Variants in SCNN1A observed in about 807,000 individuals in gnomAD.
The protein encoded by SCNN1A is sodium channel epithelial 1 subunit alpha, also known as epithelial sodium channel subunit alpha.
Under a neutral mutation model 68.6 loss-of-function variants are expected in SCNN1A, and 65 were observed. The observed-to-expected ratio is 0.95, with a 90% CI of 0.78 to 1.16. The LOEUF is 1.16. Among genes scored for constraint, SCNN1A ranks in the 50% most tolerant of loss-of-function variants. The probability of loss-of-function intolerance (pLI) is 0.00; values close to 1 mark genes in which losing one functional copy is unlikely to be tolerated. For missense variants in SCNN1A, 880 were observed against 865.9 expected, an observed-to-expected ratio of 1.02 and a Z score of -0.20; for synonymous variants, 357 against 353.3, an observed-to-expected ratio of 1.01 and a Z score of -0.12.
chr12:6,375,878 G>A (rs1289380679), upstream of SCNN1A: 2 of 1,286,830 alleles, frequency 1.6e-6, no homozygotes, highest in Non-Finnish European at 2.0e-6. Flanking sequence ...CGGGAGGACA[G>A]GAGGGCAGAA....
Position 6,348,105 on chromosome 12 carries a change from C to T in SCNN1A, c.1778G>A (p.Trp593Ter). The T allele has an allele frequency of 6.2e-7, 1 of 1,614,156 alleles. No homozygotes were observed. Among genetic ancestry groups the T allele is most frequent in the Non-Finnish European group, 8.5e-7 (1 of 1,180,030 alleles). ...ACCCCTGCCCCCTCGGCCTGGAGAC[C>T]AGTATCGGCTTCGGAACCTTCGGAG... Reference protein sequence around the residue: ...MLLRRFRSRYWSPGRGGRGAQ... With the variant: ...MLLRRFRSRY The change falls in exon 13 of 13, where the codon TGG becomes TAG. Residue 593 changes from tryptophan to a stop codon, truncating the protein, a stop_gained. Coordinates refer to ENST00000228916, the MANE Select transcript of SCNN1A (RefSeq NM_001038.6). LOFTEE classifies it low-confidence loss of function (END_TRUNC).
rs998349043 is a variant in SCNN1A at position 6,375,297 on chromosome 12, C to G, written c.-55+208G>C. 2.8e-5 allele frequency: 40 copies of G among 1,438,692 alleles called. 1 individual carries two copies. In the South Asian group the frequency reaches 4.2e-4, roughly 15 times the overall value. The allele number at this position is 1,438,692 out of a possible 1,614,324, so 89.1% of individuals were successfully genotyped here. A position where few individuals can be genotyped will look rare whatever the true frequency, so the allele number is the denominator to read the frequency against. On this transcript the variant is annotated intron_variant, in intron 1 of 12. Transcript: ENST00000228916. The stretch of plus-strand genomic sequence containing the variant: ...CTAATCCTGCCTCTCTTCCTCTCCC[C>G]CCCTTGCCTTGCCCCCTCTCACTCT...
intron 2 of SCNN1A, among the ~76,000 whole-genome samples, chr12:6,373,344 AT>A (rs1948828129): frequency 6.6e-6 from 1 of 152,026 alleles, no homozygotes; most frequent in Non-Finnish European, 1.5e-5. Flanking sequence ...CTAACTCACC[AT>A]TTTTATCATA....
rs776550679 is a variant in SCNN1A at position 6,363,430 on chromosome 12, C to T, written c.684+13G>A. 2.3e-5 allele frequency: 35 copies of T among 1,539,238 alleles called. 1 individual carries two copies. Among genetic ancestry groups the T allele is most frequent in the Non-Finnish European group, 2.9e-5 (33 of 1,143,422 alleles). ...GAGGGGCGGGGCGGGCCCCTCGGCG[C>T]TGCGGGCCTCACCAGCTGGAAGCCG... is the stretch of plus-strand genomic sequence containing the variant. On this transcript the variant is annotated intron_variant, in intron 3 of 12. Coordinates refer to ENST00000228916, the MANE Select transcript of SCNN1A (RefSeq NM_001038.6).
rs1269578372 is a variant in SCNN1A, at chr12:6,372,564, C to A, written c.416+1804G>T. Reference sequence around the variant, plus strand: ...TTTTCCTGGACTGTCTAGGGCCCCGCATCCAGCAGAACCTAAGAACTGTGC... The same window carrying A: ...TTTTCCTGGACTGTCTAGGGCCCCGAATCCAGCAGAACCTAAGAACTGTGC... On this transcript the variant is annotated intron_variant, in intron 2 of 12. Coordinates refer to ENST00000228916, the MANE Select transcript of SCNN1A (RefSeq NM_001038.6). This position sits in a 1 kb window ranked among gnomAD's most constrained non-coding sequence, Gnocchi z 5.8. 6.6e-6 allele frequency among the ~76,000 whole-genome samples: 1 copy of A among 152,226 alleles called. No individual in the cohort carries two copies. Among genetic ancestry groups the A allele is most frequent in the African/African-American group, 2.4e-5 (1 of 41,456 alleles).
chr12:6,374,795 T>C lies in SCNN1A; in HGVS notation c.-12A>G. On this transcript the variant is annotated 5_prime_UTR_variant, in exon 2 of 13. Transcript: ENST00000228916. The surrounding 1 kb of genome is among the most constrained non-coding windows in gnomAD (Gnocchi z 6.2). ...TTGTTCCCCTCCATGAGACCTGGTA[T>C]GGGCTGCAGAGGTCTAGGGTCCTGC... 6.2e-7 allele frequency: 1 copy of C among 1,613,818 alleles called. No individual in the cohort carries two copies.
In SCNN1A at chr12:6,348,998, A is replaced by G. The variant is rs775589042; in HGVS notation, c.1505T>C (p.Val502Ala). The G allele has an allele frequency of 9.3e-6, 15 of 1,613,750 alleles. No individual in the cohort carries two copies. Among genetic ancestry groups the G allele is most frequent in the Admixed American group, 3.3e-5 (2 of 59,972 alleles). ...GTTCTGTCGCGATAGCATCTGGAAGACCCATTCCTAGGAAAGAATGGGGGT... is the reference window on the plus strand; with the variant it reads ...GTTCTGTCGCGATAGCATCTGGAAGGCCCATTCCTAGGAAAGAATGGGGGT... ...RWPSVTSQEWVFQMLSRQNNY... is the reference protein window; with the variant it reads ...RWPSVTSQEWAFQMLSRQNNY... Residue 502 changes from valine (V) to alanine (A), a missense_variant, in exon 11 of 13, where the codon GTC (valine) becomes GCC (alanine). Around this residue, in one of 3 missense-constraint regions of SCNN1A, gnomAD observed 758 missense variants for 721.8 expected, o/e 1.05. Transcript: ENST00000228916.
intron 4 of SCNN1A, among the ~76,000 whole-genome samples, chr12:6,360,200 G>A (rs73048428): frequency 0.046 from 7,051 of 152,332 alleles, 218 homozygotes; most frequent in Non-Finnish European, 0.069. Flanking sequence ...AGGATTTGGA[G>A]GCAAAAGAAC....
intron 8 of SCNN1A, among the ~76,000 whole-genome samples, chr12:6,352,510 A>G (rs574444899): frequency 6.6e-6 from 1 of 152,202 alleles, no homozygotes; most frequent in Non-Finnish European, 1.5e-5. Context: ...AGCAATCAAT[A>G]TTGTTATTTT....
Position 6,358,234 on chromosome 12 carries a change from T to A in SCNN1A, c.876-2354A>T, listed in dbSNP as rs187604284. ...AGTAAGAGCTGTATTAGCTCACTAG[T>A]ACGATTACAGGGATTCATTAAGATG... is the stretch of plus-strand genomic sequence containing the variant. On this transcript the variant is annotated intron_variant, in intron 4 of 12. Coordinates refer to ENST00000228916, the MANE Select transcript of SCNN1A (RefSeq NM_001038.6). Among the ~76,000 whole-genome samples the A allele has an allele frequency of 2.6e-4, 39 of 152,312 alleles. No individual in the cohort carries two copies. In the East Asian group the frequency reaches 6.2e-3, roughly 24 times the overall value.
chr12:6,370,096 A>G (rs1592083381), intron 2 of SCNN1A, among the ~76,000 whole-genome samples: 1 of 152,010 alleles, frequency 6.6e-6, no homozygotes, highest in African/African-American at 2.4e-5. Context: ...CACTGCCCTC[A>G]CTCCCATCTG....
intron 4 of SCNN1A, among the ~76,000 whole-genome samples, chr12:6,359,576 T>C (rs773547216): frequency 5.9e-5 from 9 of 152,068 alleles, no homozygotes; most frequent in Non-Finnish European, 8.8e-5. Context: ...GTTCACCCGA[T>C]AGCTGGTTGT....
intron 8 of SCNN1A, chr12:6,349,966 T>G (rs1170090710): frequency 5.2e-6 from 1 of 191,322 alleles, no homozygotes. Flanking sequence ...GACCTCGTGA[T>G]CTGCCCGCCT....
chr12:6,362,071 G>C lies in SCNN1A; in HGVS notation c.855C>G (p.Asn285Lys). The change falls in exon 4 of 13, where the codon AAC becomes AAG. Residue 285 changes from asparagine to lysine, a missense_variant. Around this residue, in one of 3 missense-constraint regions of SCNN1A, gnomAD observed 758 missense variants for 721.8 expected, o/e 1.05. Coordinates refer to ENST00000228916, the MANE Select transcript of SCNN1A (RefSeq NM_001038.6). ...LGNFIFACRF[N>K]QVSCNQANYS... ...CTCACGCCTGGTTGCAGGAGACCTG[G>C]TTGAAGCGGCAGGCGAAGATGAAGT... 1 of 1,614,270 alleles carries C rather than the reference G, an allele frequency of 6.2e-7. No homozygotes were observed. Among genetic ancestry groups the C allele is most frequent in the African/African-American group, 1.3e-5 (1 of 75,084 alleles).
In SCNN1A at chr12:6,375,533, G is replaced by A. The variant is rs749477197; in HGVS notation, c.-83C>T. On this transcript the variant is annotated 5_prime_UTR_variant, in exon 1 of 13. Coordinates refer to ENST00000228916, the MANE Select transcript of SCNN1A (RefSeq NM_001038.6). ...ACAGGTGCAGCGGCCTGGCTGGGGA[G>A]CCCGCCCGCTGGCCGGCCAGGGATG... is the stretch of plus-strand genomic sequence containing the variant. 1.3e-6 allele frequency: 2 copies of A among 1,534,248 alleles called. No individual in the cohort carries two copies. The highest frequency in any genetic ancestry group is 2.7e-5 in the African/African-American group (2 of 72,936).
At chr12:6,375,601 AG>A, upstream of SCNN1A, 3 of 1,067,798 alleles carry the variant, frequency 2.8e-6, no homozygotes, top group Non-Finnish European at 4.0e-6. Flanking sequence ...AAAGGTGAGC[AG>A]GGCGGGGGGA....
chr12:6,348,775 G>A lies in SCNN1A; in HGVS notation c.1581C>T (p.Phe527=). The A allele has an allele frequency of 6.2e-7, 1 of 1,613,934 alleles. No homozygotes were observed. The highest frequency in any genetic ancestry group is 8.5e-7 in the Non-Finnish European group (1 of 1,179,974). ...KRNGVAKVNI[F]FKELNYKTNS... Reference sequence around the variant, plus strand: ...TGGTTTTGTAGTTCAGCTCCTTGAAGAAGATGTTGACTTTGGCCACTCCAT... The same window carrying A: ...TGGTTTTGTAGTTCAGCTCCTTGAAAAAGATGTTGACTTTGGCCACTCCAT... Residue 527 remains phenylalanine, a synonymous_variant, in exon 12 of 13, where the codon TTC becomes TTT. Transcript: ENST00000228916.
Position 6,349,411 on chromosome 12 carries a change from G to A in SCNN1A, c.1361-6C>T, listed in dbSNP as rs763756714. The stretch of plus-strand genomic sequence containing the variant: ...GAGCTTATAGTAGCAGTACCCTGTG[G>A]GTACAGAGAGATGCCTGTTCTCCTA... On this transcript the variant is annotated splice_region_variant and splice_polypyrimidine_tract_variant and intron_variant, in intron 8 of 12. Coordinates refer to ENST00000228916, the MANE Select transcript of SCNN1A (RefSeq NM_001038.6). 1 of 1,574,726 alleles carries A rather than the reference G, an allele frequency of 6.4e-7. No homozygotes were observed. Among genetic ancestry groups the A allele is most frequent in the Non-Finnish European group, 8.6e-7 (1 of 1,158,930 alleles).
At chr12:6,355,731 G>C (rs1358573055) in intron 5 of SCNN1A, 46 bp downstream of exon 5, 1 of 1,322,888 alleles carries the variant, frequency 7.6e-7, no homozygotes, top group South Asian at 1.2e-5. Context: ...GTACAGGTGA[G>C]TGGCTGAAGC....
Sources: gnomAD v4.1 joint callset for allele counts (sites outside exome capture counted in the v4.1 genomes callset) on GRCh38, gnomAD v4.1.1 for gene constraint, gnomAD v4.1.1 regional missense constraint, Gnocchi (gnomAD v3.1) non-coding constraint, MANE v1.5 for transcripts, NCBI Gene and HGNC (gene_info 2026-07-23, HGNC 2026-07-21) for gene names.